The following RPA2 variants were observed in gnomAD, a reference collection of about 807,000 sequenced individuals.
RPA2 encodes replication protein A2, also known as replication protein A 32 kDa subunit.
In RPA2, 22 loss-of-function variants were observed where a neutral mutation model predicts 33.4. That is an observed-to-expected ratio of 0.66 (90% CI 0.47 to 0.94). RPA2 has a LOEUF of 0.94. RPA2 is among the 40% of genes least tolerant of loss of function. RPA2 has a pLI of 0.00. For synonymous variants in RPA2, 109 were observed against 114.9 expected, an observed-to-expected ratio of 0.95 and a Z score of 0.33; for missense variants, 279 against 329.9, an observed-to-expected ratio of 0.85 and a Z score of 1.19.
In RPA2 at chr1:27,891,665, T is replaced by C. The variant is rs2089824976; in HGVS notation, c.*498A>G. Reference sequence around the variant, plus strand: ...TTCATGTTCACAGAAACACACGTCATGGCAAGTGTGTCAAAAAGTCATGAC... The same window carrying C: ...TTCATGTTCACAGAAACACACGTCACGGCAAGTGTGTCAAAAAGTCATGAC... On this transcript the variant is annotated 3_prime_UTR_variant, in exon 9 of 9. Transcript: ENST00000373912. The C allele has an allele frequency of 6.5e-6, 1 of 153,260 alleles. No individual in the cohort carries two copies. Among genetic ancestry groups the C allele is most frequent in the Admixed American group, 6.5e-5 (1 of 15,454 alleles). The allele number at this position is 153,260 out of a possible 1,614,324, so 9.5% of individuals were successfully genotyped here.
At position 27,892,221 on chromosome 1, in the gene RPA2, T is replaced by C. The variant is rs768876425; in HGVS notation, c.755A>G (p.Glu252Gly). 1 of 1,612,950 alleles carries C rather than the reference T, an allele frequency of 6.2e-7. No homozygotes were observed. The highest frequency in any genetic ancestry group is 1.3e-5 in the African/African-American group (1 of 74,726). The change falls in exon 9 of 9, where the codon GAG becomes GGG. Residue 252 changes from glutamate to glycine, a missense_variant. Around this residue, in one of 2 missense-constraint regions of RPA2, gnomAD observed 274 missense variants for 310.3 expected, o/e 0.88. Transcript: ENST00000373912. ...ATCCACAGTAGAATAGATGTGCCCCTCATTGCTCAGAAAATCCACAGCTTG... is the reference window on the plus strand; with the variant it reads ...ATCCACAGTAGAATAGATGTGCCCCCCATTGCTCAGAAAATCCACAGCTTG... The part of the protein sequence containing the change: ...IKQAVDFLSN[E>G]GHIYSTVDDD...
At chr1:27,910,114 C>G (rs1355861198) in intron 2 of RPA2, among the ~76,000 whole-genome samples, 10 of 152,136 alleles carry the variant, frequency 6.6e-5, no homozygotes, top group African/African-American at 2.4e-4. Flanking sequence ...CATAAGAAAA[C>G]TTAAGAACCA....
In RPA2 at chr1:27,894,016, T is replaced by C. The variant is rs771103313; in HGVS notation, c.724A>G (p.Ile242Val). 6.2e-6 allele frequency: 10 copies of C among 1,612,924 alleles called. No homozygotes were observed. The highest frequency in any genetic ancestry group is 5.3e-5 in the African/African-American group (4 of 75,028). The change falls in exon 8 of 9, where the codon ATC (isoleucine) becomes GTC (valine). Residue 242 changes from isoleucine to valine, a missense_variant. This residue lies in a region of RPA2 where 274 missense variants were observed against 310.3 expected (regional missense o/e 0.88). Transcript: ENST00000373912. Reference sequence around the variant, plus strand: ...TCATGAAAATCAAATACTTACTTGATTGAGGATACAGACATGTGTTTCAGC... The same window carrying C: ...TCATGAAAATCAAATACTTACTTGACTGAGGATACAGACATGTGTTTCAGC... ...NQLKHMSVSS[I>V]KQAVDFLSNE...
intron 7 of RPA2, 55 bp downstream of exon 7, chr1:27,894,234 CA>C (rs953360089): frequency 2.7e-5 from 43 of 1,564,732 alleles, no homozygotes; most frequent in Non-Finnish European, 3.4e-5. Flanking sequence ...AAGGAAGTAA[CA>C]AAATTTAAGA....
chr1:27,903,770 A>G (rs1434533655), intron 4 of RPA2, among the ~76,000 whole-genome samples: 2 of 149,356 alleles, frequency 1.3e-5, no homozygotes, highest in African/African-American at 4.9e-5. Flanking sequence ...GCATCAGCCT[A>G]TAGTTCCAGC....
In RPA2 at chr1:27,897,046, C is replaced by A; in HGVS notation, c.484G>T (p.Val162Leu). Reference sequence around the variant, plus strand: ...CTTAGTACCATGTGTGCATTGATCACTTCCAGAATATGTGTGGTGAACTCA... The same window carrying A: ...CTTAGTACCATGTGTGCATTGATCAATTCCAGAATATGTGTGGTGAACTCA... ...MNEFTTHILE[V>L]INAHMVLSKA... The change falls in exon 6 of 9, where the codon GTG (valine) becomes TTG (leucine). Residue 162 changes from valine (V) to leucine (L), a missense_variant. Physicochemically the swap from Val to Leu is conservative, Grantham distance 32. Around this residue, in one of 2 missense-constraint regions of RPA2, gnomAD observed 274 missense variants for 310.3 expected, o/e 0.88. Transcript: ENST00000373912. The A allele has an allele frequency of 4.3e-6, 7 of 1,613,774 alleles. No homozygotes were observed. Among genetic ancestry groups the A allele is most frequent in the African/African-American group, 1.3e-5 (1 of 75,036 alleles).
chr1:27,897,683 C>T lies in RPA2; in HGVS notation c.358G>A (p.Val120Ile), dbSNP rs1282586099. ...ACTTTCACATATGTTTCTGGAGGAA[C>T]CACAGTGTTTTCACTGCTGGTGTCC... ...TDDTSSENTVVPPETYVKVAG... is the reference protein window; with the variant it reads ...TDDTSSENTVIPPETYVKVAG... Residue 120 changes from valine to isoleucine, a missense_variant, in exon 5 of 9, where the codon GTT becomes ATT. Val to Ile is a conservative substitution (Grantham distance 29). Coordinates refer to ENST00000373912, the MANE Select transcript of RPA2 (RefSeq NM_002946.5). 8.1e-6 allele frequency: 13 copies of T among 1,600,952 alleles called. No homozygotes were observed. Among genetic ancestry groups the T allele is most frequent in the Non-Finnish European group, 1.0e-5 (12 of 1,173,916 alleles).
chr1:27,908,787 C>T (rs552327856), intron 2 of RPA2, among the ~76,000 whole-genome samples: 3 of 152,298 alleles, frequency 2.0e-5, no homozygotes, highest in South Asian at 4.1e-4. Flanking sequence ...CGTGAGCCAC[C>T]GCGCCAGGCC....
intron 4 of RPA2, 51 bp from the exon 5 acceptor site, chr1:27,897,758 G>T: frequency 7.4e-7 from 1 of 1,351,168 alleles, no homozygotes; most frequent in Non-Finnish European, 1.0e-6. Flanking sequence ...GCTGGTAAAA[G>T]CCTCTTTAAC....
Position 27,914,137 on chromosome 1 carries a change from C to G in RPA2, c.43G>C (p.Gly15Arg), listed in dbSNP as rs28988897. 1.2e-6 allele frequency: 2 copies of G among 1,613,712 alleles called. No individual in the cohort carries two copies. Among genetic ancestry groups the G allele is most frequent in the Admixed American group, 1.7e-5 (1 of 59,958 alleles). The change falls in exon 2 of 9, where the codon GGG (glycine) becomes CGG (arginine). Residue 15 changes from glycine to arginine, a missense_variant. Physicochemically the swap from Gly to Arg is moderately radical, Grantham distance 125. Coordinates refer to ENST00000373912, the MANE Select transcript of RPA2 (RefSeq NM_002946.5). ...GACTGCGTGTAGCCGCCGGCTCCCC[C>G]GTATGAGGAGCTGCCATAGCTTTCG... ...GFESYGSSSYGGAGGYTQSPG... is the reference protein window; with the variant it reads ...GFESYGSSSYRGAGGYTQSPG...
chr1:27,894,136 A>C, intron 7 of RPA2, 30 bp from the exon 8 acceptor site: 2 of 1,602,282 alleles, frequency 1.2e-6, no homozygotes, highest in Non-Finnish European at 8.6e-7. Flanking sequence ...AGATTTTAGC[A>C]ATTATTTTGG....
At chr1:27,897,602 C>T (rs1030798332) in intron 5 of RPA2, 31 bp downstream of exon 5, 8 of 1,533,188 alleles carry the variant, frequency 5.2e-6, no homozygotes, top group Non-Finnish European at 7.1e-6. Flanking sequence ...CATGCAAAAA[C>T]ACTTTAACTG....
upstream of RPA2, chr1:27,914,694 C>A: frequency 6.2e-7 from 1 of 1,610,370 alleles, no homozygotes; most frequent in Non-Finnish European, 8.5e-7. Flanking sequence ...TCCCAGTTGG[C>A]TCCAAAAGCC....
Position 27,895,979 on chromosome 1 carries a change from C to G in RPA2, c.525+1026G>C, listed in dbSNP as rs28904894. Among the ~76,000 whole-genome samples the G allele has an allele frequency of 7.7e-4, 117 of 152,252 alleles. No homozygotes were observed. In the East Asian group the frequency reaches 0.018, roughly 23 times the overall value. On this transcript the variant is annotated intron_variant, in intron 6 of 8. Coordinates refer to ENST00000373912, the MANE Select transcript of RPA2 (RefSeq NM_002946.5). ...AGTCCCTCTGGTTTAGAATGTTCCT[C>G]ATCTAAAATTGTACCATTCTTGTTC...
chr1:27,893,378 T>C (rs944696947), intron 8 of RPA2, among the ~76,000 whole-genome samples: 3 of 152,186 alleles, frequency 2.0e-5, no homozygotes, highest in African/African-American at 7.2e-5. Flanking sequence ...CAATGATGGC[T>C]CACTGCAGCC....
intron 4 of RPA2, among the ~76,000 whole-genome samples, chr1:27,905,406 G>GCC (rs1317245264): frequency 6.6e-6 from 1 of 152,114 alleles, no homozygotes; most frequent in Admixed American, 6.6e-5. Context: ...CAATTCTCCT[G>GCC]CCTCAGCCTC....
At chr1:27,907,716 T>C (rs1034439869) in intron 2 of RPA2, among the ~76,000 whole-genome samples, 1 of 152,178 alleles carries the variant, frequency 6.6e-6, no homozygotes, top group Non-Finnish European at 1.5e-5. Context: ...GAGACAGGAC[T>C]TTGGAATTGC....
At chr1:27,898,517 T>C (rs2089920153) in intron 4 of RPA2, among the ~76,000 whole-genome samples, 1 of 151,670 alleles carries the variant, frequency 6.6e-6, no homozygotes, top group Non-Finnish European at 1.5e-5. Context: ...TATGCACACA[T>C]TATTTATAAG....
intron 4 of RPA2, among the ~76,000 whole-genome samples, chr1:27,904,750 T>C (rs1319753964): frequency 6.6e-6 from 1 of 152,032 alleles, no homozygotes; most frequent in Non-Finnish European, 1.5e-5. Flanking sequence ...CTGCAACCTC[T>C]GTCTCCTAGG....
Sources: allele counts gnomAD v4.1 joint callset (sites outside exome capture counted in the v4.1 genomes callset), GRCh38; gene constraint gnomAD v4.1.1; regional missense constraint gnomAD v4.1.1; transcripts MANE v1.5; gene names NCBI Gene and HGNC (gene_info 2026-07-23, HGNC 2026-07-21).